SV2B: variants seen among roughly 807,000 people sequenced by gnomAD.
The protein encoded by SV2B is solute carrier family 22 member B2.
Under a neutral mutation model 73.9 loss-of-function variants are expected in SV2B, and 41 were observed. The ratio of observed to expected loss-of-function variants is 0.56; its 90% CI spans 0.43 to 0.72. SV2B has a LOEUF of 0.72. SV2B is among the 30% of genes least tolerant of loss of function. The pLI is 0.00. For synonymous variants in SV2B, 314 were observed against 314.2 expected (o/e 1.00, Z 0.01); for missense variants, 764 against 857.8 (o/e 0.89, Z 1.37).
In SV2B at chr15:91,137,627, A is replaced by ACATATATATTTCATATATG. The variant is rs1231175258; in HGVS notation, c.-392+37271_-392+37272insATTTCATATATGCATATAT. ...TATTTCATATATATATTTCATATAT[A>ACATATATATTTCATATATG]CATATATTTCATATATACATATATA... On this transcript the variant is annotated intron_variant, in intron 1 of 12. Coordinates refer to ENST00000394232, the MANE Select transcript of SV2B (RefSeq NM_001323032.3). The surrounding 1 kb of genome is among the most constrained non-coding windows in gnomAD (Gnocchi z 4.9). Among the ~76,000 whole-genome samples the ACATATATATTTCATATATG allele has an allele frequency of 8.4e-6, 1 of 119,498 alleles. No individual in the cohort carries two copies. Among genetic ancestry groups the ACATATATATTTCATATATG allele is most frequent in the East Asian group, 2.0e-4 (1 of 5,102 alleles). The allele number at this position is 119,498 out of a possible 152,430, so 78.4% of individuals were successfully genotyped here. A position where few individuals can be genotyped will look rare whatever the true frequency, so the allele number is the denominator to read the frequency against.
In SV2B at chr15:91,229,262, C is replaced by G. The variant is rs1054098983; in HGVS notation, c.451+2548C>G. On this transcript the variant is annotated intron_variant, in intron 2 of 12. Transcript: ENST00000394232. This position sits in a 1 kb window ranked among gnomAD's most constrained non-coding sequence, Gnocchi z 4.3. ...TGGCGACTGGGTACGTCCTACATGT[C>G]ATCGATCTGCTAGTGACCTTGGGCA... Among the ~76,000 whole-genome samples the G allele has an allele frequency of 4.3e-4, 66 of 151,966 alleles. No individual in the cohort carries two copies. The highest frequency in any genetic ancestry group is 1.5e-3 in the African/African-American group (63 of 41,368).
intron 1 of SV2B, among the ~76,000 whole-genome samples, chr15:91,165,419 G>A (rs1231427026): frequency 6.6e-6 from 1 of 152,158 alleles, no homozygotes. Context: ...AAACAATACA[G>A]TATAACAACA....
chr15:91,107,289 A>ATTTGTTTGTTTGTTTGTTTG (rs1274580877), intron 1 of SV2B, among the ~76,000 whole-genome samples: 1 of 148,036 alleles, frequency 6.8e-6, no homozygotes, highest in African/African-American at 2.5e-5. Flanking sequence ...TCATTACTTT[A>ATTTGTTTGTTTGTTTGTTTG]TTTGTTTGTT....
At chr15:91,228,765 T>C (rs542279154) in intron 2 of SV2B, among the ~76,000 whole-genome samples, 1 of 152,262 alleles carries the variant, frequency 6.6e-6, no homozygotes, top group Non-Finnish European at 1.5e-5. Flanking sequence ...GCAGACCCTC[T>C]GAACATAGAT....
intron 1 of SV2B, among the ~76,000 whole-genome samples, chr15:91,221,960 C>G (rs1241296423): frequency 6.6e-6 from 1 of 152,146 alleles, no homozygotes; most frequent in East Asian, 1.9e-4. Flanking sequence ...CCATAACCTC[C>G]CACTCTTGGA....
rs536527204 is a variant in SV2B, at chr15:91,241,307, C to T, written c.452-10512C>T. On this transcript the variant is annotated intron_variant, in intron 2 of 12. Transcript: ENST00000394232. This position sits in a 1 kb window ranked among gnomAD's most constrained non-coding sequence, Gnocchi z 4.8. ...TGCACCTCTCTTACTCTGCTGTGTT[C>T]CCCACCCCTGGTTGCATCCGACTTT... Among the ~76,000 whole-genome samples the T allele has an allele frequency of 6.6e-6, 1 of 152,284 alleles. No homozygotes were observed. Among genetic ancestry groups the T allele is most frequent in the East Asian group, 1.9e-4 (1 of 5,186 alleles).
At chr15:91,184,234 C>G (rs2044690302) in intron 1 of SV2B, among the ~76,000 whole-genome samples, 1 of 152,122 alleles carries the variant, frequency 6.6e-6, no homozygotes. Context: ...GCAACCTTGC[C>G]AAAGTGCCCA....
Position 91,141,043 on chromosome 15 carries a change from C to G in SV2B, c.-392+40680C>G, listed in dbSNP as rs1444450870. ...AGAAGTGCTACAAGCACTCAGGTGG[C>G]AGGACTTATAGCTAAGAGTGGCATA... is the stretch of plus-strand genomic sequence containing the variant. On this transcript the variant is annotated intron_variant, in intron 1 of 12. Coordinates refer to ENST00000394232, the MANE Select transcript of SV2B (RefSeq NM_001323032.3). The surrounding 1 kb of genome is among the most constrained non-coding windows in gnomAD (Gnocchi z 4.6). Among the ~76,000 whole-genome samples the G allele has an allele frequency of 6.6e-6, 1 of 152,214 alleles. No individual in the cohort carries two copies. The highest frequency in any genetic ancestry group is 2.4e-5 in the African/African-American group (1 of 41,452).
chr15:91,207,114 C>T (rs566175089), intron 1 of SV2B, among the ~76,000 whole-genome samples: 8 of 151,520 alleles, frequency 5.3e-5, no homozygotes, highest in East Asian at 3.9e-4. Flanking sequence ...GCAGTCTTCC[C>T]GGGCTCCAGT....
Position 91,226,242 on chromosome 15 carries a change from C to T in SV2B, c.-22C>T. The T allele has an allele frequency of 6.2e-7, 1 of 1,612,916 alleles. No individual in the cohort carries two copies. The highest frequency in any genetic ancestry group is 8.5e-7 in the Non-Finnish European group (1 of 1,179,284). ...CGAGGGATATAGCTCAAGGGGCAAC[C>T]AGGCAGTCGCAGAACCAAGGAATGG... On this transcript the variant is annotated 5_prime_UTR_variant, in exon 2 of 13. Coordinates refer to ENST00000394232, the MANE Select transcript of SV2B (RefSeq NM_001323032.3).
In SV2B at chr15:91,105,442, G is replaced by A. The variant is rs535730108; in HGVS notation, c.-392+5079G>A. Among the ~76,000 whole-genome samples the A allele has an allele frequency of 3.7e-4, 57 of 152,320 alleles. 2 individuals carry two copies. In the South Asian group the frequency reaches 0.011, roughly 30 times the overall value. On this transcript the variant is annotated intron_variant, in intron 1 of 12. Transcript: ENST00000394232. The surrounding 1 kb of genome is among the most constrained non-coding windows in gnomAD (Gnocchi z 5.5). ...GGCAACAGATAACTGGCATGTTCCA[G>A]GAACAGCAAGGTGGCTTATGTAGAA...
rs1738030789 is a variant in SV2B at position 91,252,071 on chromosome 15, A to C, written c.632+72A>C. The C allele has an allele frequency of 6.4e-7, 1 of 1,557,174 alleles. No individual in the cohort carries two copies. The highest frequency in any genetic ancestry group is 8.7e-7 in the Non-Finnish European group (1 of 1,148,258). ...CATCCATTCTGGTATTCTAGCTCCA[A>C]GAGGTAACTCTAGAAACCCTTGGAC... is the stretch of plus-strand genomic sequence containing the variant. On this transcript the variant is annotated intron_variant, in intron 3 of 12. Coordinates refer to ENST00000394232, the MANE Select transcript of SV2B (RefSeq NM_001323032.3). This position sits in a 1 kb window ranked among gnomAD's most constrained non-coding sequence, Gnocchi z 4.6.
chr15:91,172,791 C>A (rs1220975648), intron 1 of SV2B, among the ~76,000 whole-genome samples: 4 of 152,166 alleles, frequency 2.6e-5, no homozygotes, highest in African/African-American at 9.7e-5. Flanking sequence ...ATAATTCCAC[C>A]CCAAAGGATT....
At chr15:91,271,851 T>A (rs1009535757) in intron 9 of SV2B, among the ~76,000 whole-genome samples, 9 of 152,306 alleles carry the variant, frequency 5.9e-5, no homozygotes, top group African/African-American at 2.2e-4. Flanking sequence ...TTTGGCTTCC[T>A]TGGGGGCATT....
rs2048936529 is a variant in SV2B, at chr15:91,288,515, T to G, written c.1709-1006T>G. ...TCGAAAAGTGAGATGATGCAGATGTTTCTGTGCCTGGTTTACCCCATGGAC... is the reference window on the plus strand; with the variant it reads ...TCGAAAAGTGAGATGATGCAGATGTGTCTGTGCCTGGTTTACCCCATGGAC... On this transcript the variant is annotated intron_variant, in intron 11 of 12. Coordinates refer to ENST00000394232, the MANE Select transcript of SV2B (RefSeq NM_001323032.3). This position sits in a 1 kb window ranked among gnomAD's most constrained non-coding sequence, Gnocchi z 5.8. 6.6e-6 allele frequency among the ~76,000 whole-genome samples: 1 copy of G among 152,048 alleles called. No homozygotes were observed.
intron 1 of SV2B, among the ~76,000 whole-genome samples, chr15:91,165,331 CA>C (rs981125336): frequency 2.0e-5 from 3 of 150,942 alleles, no homozygotes; most frequent in East Asian, 1.9e-4. Context: ...GACTCTGTCT[CA>C]AAAAAAAATT....
intron 1 of SV2B, among the ~76,000 whole-genome samples, chr15:91,167,621 G>A (rs2043961618): frequency 6.6e-6 from 1 of 152,090 alleles, no homozygotes; most frequent in African/African-American, 2.4e-5. Flanking sequence ...AGGGCCCTGT[G>A]ATTACACTTG....
At chr15:91,126,826 A>C (rs2042497353) in intron 1 of SV2B, among the ~76,000 whole-genome samples, 1 of 152,234 alleles carries the variant, frequency 6.6e-6, no homozygotes, top group African/African-American at 2.4e-5. Context: ...AAAAATACTT[A>C]AACTAGAAAT....
At position 91,137,417 on chromosome 15, in the gene SV2B, C is replaced by T. The variant is rs1482918807; in HGVS notation, c.-392+37054C>T. 6.6e-6 allele frequency among the ~76,000 whole-genome samples: 1 copy of T among 151,706 alleles called. No individual in the cohort carries two copies. Among genetic ancestry groups the T allele is most frequent in the Non-Finnish European group, 1.5e-5 (1 of 67,952 alleles). On this transcript the variant is annotated intron_variant, in intron 1 of 12. Coordinates refer to ENST00000394232, the MANE Select transcript of SV2B (RefSeq NM_001323032.3). This position sits in a 1 kb window ranked among gnomAD's most constrained non-coding sequence, Gnocchi z 4.9. Reference sequence around the variant, plus strand: ...TATTTTTAACTTATAATTATATTTACAATGGATGAAGCAGTTAACAAATCA... The same window carrying T: ...TATTTTTAACTTATAATTATATTTATAATGGATGAAGCAGTTAACAAATCA...
Sources: gnomAD v4.1 joint callset for allele counts (sites outside exome capture counted in the v4.1 genomes callset) on GRCh38, gnomAD v4.1.1 for gene constraint, Gnocchi (gnomAD v3.1) non-coding constraint, MANE v1.5 for transcripts, NCBI Gene and HGNC (gene_info 2026-07-23, HGNC 2026-07-21) for gene names.